The following WDR27 variants were observed in gnomAD, a reference collection of about 807,000 sequenced individuals.
WDR27 encodes WD repeat-containing protein 27.
In WDR27, 100 loss-of-function variants were observed where a neutral mutation model predicts 114.4. The ratio of observed to expected loss-of-function variants is 0.87; its 90% CI spans 0.74 to 1.03. WDR27 has a LOEUF of 1.03. Ranked by LOEUF, WDR27 falls within the 50% of genes least tolerant of loss-of-function variation. WDR27 has a pLI of 0.00. For missense variants in WDR27, 1,129 were observed against 1,092.9 expected, an observed-to-expected ratio of 1.03 and a Z score of -0.47; for synonymous variants, 449 against 423.1, an observed-to-expected ratio of 1.06 and a Z score of -0.75.
chr6:169,616,482 G>A (rs969148265), intron 21 of WDR27, among the ~76,000 whole-genome samples: 22 of 151,896 alleles, frequency 1.4e-4, no homozygotes, highest in East Asian at 7.7e-4. Flanking sequence ...GCAAGACTCC[G>A]TCTCCAAAAA....
intron 21 of WDR27, among the ~76,000 whole-genome samples, chr6:169,630,856 T>C (rs1021815546): frequency 2.0e-5 from 3 of 151,910 alleles, no homozygotes; most frequent in Non-Finnish European, 4.4e-5. Context: ...ATCATGGCAC[T>C]GCACTCCAAC....
At chr6:169,576,285 C>T (rs1401753990) in intron 24 of WDR27, among the ~76,000 whole-genome samples, 1 of 152,228 alleles carries the variant, frequency 6.6e-6, no homozygotes, top group African/African-American at 2.4e-5. Flanking sequence ...GGTGGCCAGC[C>T]TCCACCTTGC....
At chr6:169,458,479 C>T (rs1784545579) in intron 25 of WDR27, among the ~76,000 whole-genome samples, 1 of 151,964 alleles carries the variant, frequency 6.6e-6, no homozygotes. Context: ...AGGAGCCAGA[C>T]AGTAAAAAAT....
At position 169,526,175 on chromosome 6, in the gene WDR27, G is replaced by C. The variant is rs1435221306; in HGVS notation, c.2645+46244C>G. Among the ~76,000 whole-genome samples, 3 of 152,210 alleles carry C rather than the reference G, an allele frequency of 2.0e-5. No individual in the cohort carries two copies. The East Asian group carries it at 5.8e-4, about 29-fold the overall frequency. ...ACCTAGTGCTGGACAGGGCAGTAAG[G>C]TGGCTATAGTTTACAATAATACATT... is the stretch of plus-strand genomic sequence containing the variant. On this transcript the variant is annotated intron_variant, in intron 25 of 25. Coordinates refer to ENST00000448612, the MANE Select transcript of WDR27 (RefSeq NM_182552.5).
intron 25 of WDR27, among the ~76,000 whole-genome samples, chr6:169,537,433 C>T (rs1006708577): frequency 6.6e-6 from 1 of 152,138 alleles, no homozygotes; most frequent in African/African-American, 2.4e-5. Context: ...GACAAGAAGT[C>T]ATTCATAAGA....
intron 2 of WDR27, among the ~76,000 whole-genome samples, chr6:169,681,297 G>A (rs1029539901): frequency 6.6e-6 from 1 of 152,152 alleles, no homozygotes; most frequent in African/African-American, 2.4e-5. Flanking sequence ...TCACCAAGCT[G>A]GTGAAATAGA....
chr6:169,672,997 A>G (rs372471977), intron 2 of WDR27, among the ~76,000 whole-genome samples: 32 of 152,326 alleles, frequency 2.1e-4, no homozygotes, highest in African/African-American at 7.2e-4. Context: ...TTGGGGGTAT[A>G]CTGGGCTGGA....
rs758548636 is a variant in WDR27, at chr6:169,633,032, T to C, written c.2138A>G (p.Glu713Gly). 1.9e-6 allele frequency: 3 copies of C among 1,597,658 alleles called. No individual in the cohort carries two copies. The highest frequency in any genetic ancestry group is 2.6e-6 in the Non-Finnish European group (3 of 1,166,588). ...GCAGCCGGCGTTGAGGTCAAACACT[T>C]CCACGGTCCTGTTCCGGCCAGCTGC... Reference protein sequence around the residue: ...VLAAGRNRTVEVFDLNAGCSA... With the variant: ...VLAAGRNRTVGVFDLNAGCSA... The change falls in exon 21 of 26, where the codon GAA becomes GGA. Residue 713 changes from glutamate to glycine, a missense_variant. Transcript: ENST00000448612.
chr6:169,649,721 A>G (rs77007963), intron 14 of WDR27, among the ~76,000 whole-genome samples: 1 of 151,548 alleles, frequency 6.6e-6, no homozygotes, highest in Admixed American at 6.6e-5. Context: ...ACCATCACCC[A>G]TCCATTCACT....
In WDR27 at chr6:169,660,468, G is replaced by A. The variant is rs533710680; in HGVS notation, c.1129+195C>T. On this transcript the variant is annotated intron_variant, in intron 10 of 25. Coordinates refer to ENST00000448612, the MANE Select transcript of WDR27 (RefSeq NM_182552.5). ...GGAGTGGCTCCAGGGCTGAGTGCCC[G>A]AGGGTCCGGGAAGGGCCCTCGTCCT... Among the ~76,000 whole-genome samples, 53 of 152,262 alleles carry A rather than the reference G, an allele frequency of 3.5e-4. 1 individual carries two copies. The South Asian group carries it at 4.8e-3, about 14-fold the overall frequency.
At chr6:169,569,488 T>C (rs1801025389) in intron 25 of WDR27, among the ~76,000 whole-genome samples, 2 of 152,192 alleles carry the variant, frequency 1.3e-5, no homozygotes, top group Non-Finnish European at 2.9e-5. Context: ...TCTTGAATAC[T>C]TAAATGACAA....
the WDR27 span, among the ~76,000 whole-genome samples, chr6:169,451,366 A>G: frequency 2.6e-5 from 4 of 152,174 alleles, no homozygotes; most frequent in Non-Finnish European, 5.9e-5. Flanking sequence ...TGTCTCCCTA[A>G]AATGTATAAA....
intron 3 of WDR27, chr6:169,670,959 T>C (rs1047929659): frequency 7.5e-6 from 3 of 401,416 alleles, no homozygotes; most frequent in Non-Finnish European, 1.3e-5. Flanking sequence ...CTGCAGTACC[T>C]GTGCAGTGAG....
At chr6:169,562,248 G>T (rs1799777529) in intron 25 of WDR27, among the ~76,000 whole-genome samples, 1 of 152,072 alleles carries the variant, frequency 6.6e-6, no homozygotes, top group African/African-American at 2.4e-5. Context: ...ATTCTTTCCA[G>T]GTGTACACAG....
At chr6:169,462,041 A>C (rs1198056285) in intron 25 of WDR27, among the ~76,000 whole-genome samples, 3 of 152,128 alleles carry the variant, frequency 2.0e-5, no homozygotes. Flanking sequence ...CCCTAGATAA[A>C]ATGTACACAT....
intron 25 of WDR27, among the ~76,000 whole-genome samples, chr6:169,495,657 CCAAA>C (rs1790308452): frequency 6.6e-6 from 1 of 151,996 alleles, no homozygotes; most frequent in African/African-American, 2.4e-5. Context: ...CAACTGTATA[CCAAA>C]CAATTTGATA....
chr6:169,601,150 C>A (rs956187030), intron 23 of WDR27, among the ~76,000 whole-genome samples: 1 of 152,084 alleles, frequency 6.6e-6, no homozygotes, highest in African/African-American at 2.4e-5. Context: ...AGAGTGGGGG[C>A]CAATATTCAA....
At chr6:169,695,485 A>T (rs934322281) in intron 1 of WDR27, among the ~76,000 whole-genome samples, 1 of 152,238 alleles carries the variant, frequency 6.6e-6, no homozygotes, top group East Asian at 1.9e-4. Flanking sequence ...AGAAACAGAC[A>T]TCGCTTCTCT....
At chr6:169,451,238 G>T in the WDR27 span, among the ~76,000 whole-genome samples, 3 of 152,214 alleles carry the variant, frequency 2.0e-5, no homozygotes, top group East Asian at 5.8e-4. Context: ...AAACTTAAAA[G>T]AATGCAGCCA....
Sources: gnomAD v4.1 joint callset for allele counts (sites outside exome capture counted in the v4.1 genomes callset) on GRCh38, gnomAD v4.1.1 for gene constraint, MANE v1.5 for transcripts, NCBI Gene and HGNC (gene_info 2026-07-23, HGNC 2026-07-21) for gene names.